Variants in CELSR1 observed in about 807,000 individuals in gnomAD.
The protein encoded by CELSR1 is cadherin EGF LAG seven-pass G-type receptor 1, also known as adhesion G protein-coupled receptor C1.
CELSR1 carries 110 observed loss-of-function variants against 249.1 expected under a neutral mutation model. The ratio of observed to expected loss-of-function variants is 0.44; its 90% CI spans 0.38 to 0.52. The LOEUF (loss-of-function observed/expected upper bound fraction) is 0.52. Ranked by LOEUF, CELSR1 falls within the 20% of genes least tolerant of loss-of-function variation. CELSR1 has a pLI of 0.00. For missense variants in CELSR1, 4,109 were observed against 4,296.4 expected, an observed-to-expected ratio of 0.96 and a Z score of 1.22; for synonymous variants, 2,113 against 1,900.0, an observed-to-expected ratio of 1.11 and a Z score of -2.92.
chr22:46,377,800 C>G (rs1445365837), intron 23 of CELSR1, among the ~76,000 whole-genome samples: 1 of 152,260 alleles, frequency 6.6e-6, no homozygotes, highest in East Asian at 1.9e-4. Flanking sequence ...TGCCCTCCTC[C>G]AGCCCCGCCT....
At chr22:46,451,933 G>C (rs573007686) in intron 2 of CELSR1, among the ~76,000 whole-genome samples, 71 of 152,302 alleles carry the variant, frequency 4.7e-4, no homozygotes, top group African/African-American at 1.7e-3. Flanking sequence ...GAGAAGCAAG[G>C]GGAAGGGCTG....
Position 46,369,694 on chromosome 22 carries a change from T to C in CELSR1, c.7870A>G (p.Ile2624Val). 6.2e-7 allele frequency: 1 copy of C among 1,613,134 alleles called. No individual in the cohort carries two copies. The highest frequency in any genetic ancestry group is 1.3e-5 in the African/African-American group (1 of 75,034). Residue 2624 changes from isoleucine (I) to valine (V), a missense_variant and splice_region_variant, in exon 26 of 35, where the codon ATC becomes GTC. This residue lies in a region of CELSR1 where 1,805 missense variants were observed against 1,831.6 expected (regional missense o/e 0.99). Transcript: ENST00000674500. ...SFAGPIGAVI[I>V]INTVTSVLSA... ...TCCCGTGAAGGCCCCACACTCACGA[T>C]TATAACAGCTCCGATGGGCCCCGCA...
intron 1 of CELSR1, among the ~76,000 whole-genome samples, chr22:46,531,127 G>T (rs1375622266): frequency 6.6e-6 from 1 of 152,150 alleles, no homozygotes; most frequent in African/African-American, 2.4e-5. Flanking sequence ...AGTCAATAGT[G>T]ATTTACTTAT....
At position 46,398,102 on chromosome 22, in the gene CELSR1, G is replaced by A. The variant is rs1187180412; in HGVS notation, c.5527-254C>T. Among the ~76,000 whole-genome samples the A allele has an allele frequency of 6.6e-6, 1 of 152,090 alleles. No individual in the cohort carries two copies. Among genetic ancestry groups the A allele is most frequent in the Non-Finnish European group, 1.5e-5 (1 of 67,996 alleles). On this transcript the variant is annotated intron_variant, in intron 11 of 34. Transcript: ENST00000674500. The surrounding 1 kb of genome is among the most constrained non-coding windows in gnomAD (Gnocchi z 7.2). ...GGTGCGCGGTGGGGGCGTGAGGAGT[G>A]GATGTCCCTGCCGAGGGGGCTGAGA...
At chr22:46,459,247 C>A (rs1182804083) in intron 2 of CELSR1, among the ~76,000 whole-genome samples, 2 of 152,024 alleles carry the variant, frequency 1.3e-5, no homozygotes, top group East Asian at 3.9e-4. Context: ...GAGCAGACAC[C>A]AAGAGCAGCA....
rs912286327 is a variant in CELSR1 at position 46,410,112 on chromosome 22, C to T, written c.4934-232G>A. Among the ~76,000 whole-genome samples, 2 of 152,228 alleles carry T rather than the reference C, an allele frequency of 1.3e-5. No homozygotes were observed. The highest frequency in any genetic ancestry group is 4.8e-5 in the African/African-American group (2 of 41,460). On this transcript the variant is annotated intron_variant, in intron 7 of 34. Transcript: ENST00000674500. The surrounding 1 kb of genome is among the most constrained non-coding windows in gnomAD (Gnocchi z 6.8). ...AGGCCATCACGGCAGCCGGCCCGGT[C>T]ACCTGGTGACACATATGCAAGACCC...
chr22:46,462,960 C>T (rs1216742629), intron 2 of CELSR1: 2 of 463,704 alleles, frequency 4.3e-6, no homozygotes, highest in South Asian at 3.2e-5. Context: ...ATTTCAAGAC[C>T]CAAATGATTA....
chr22:46,507,004 G>T (rs1197164555), intron 1 of CELSR1, among the ~76,000 whole-genome samples: 1 of 152,102 alleles, frequency 6.6e-6, no homozygotes, highest in Non-Finnish European at 1.5e-5. Flanking sequence ...TGGCCAACAC[G>T]GTGAAACCCC....
At chr22:46,439,618 C>G in intron 2 of CELSR1, among the ~76,000 whole-genome samples, 1 of 152,020 alleles carries the variant, frequency 6.6e-6, no homozygotes. Flanking sequence ...GTCGGCTGCA[C>G]CCAGCTCCTG....
At position 46,386,572 on chromosome 22, in the gene CELSR1, G is replaced by T; in HGVS notation, c.6569C>A (p.Ser2190Ter). The part of the protein sequence containing the change: ...DADFHEDVIH[S>*]GSALLAPATR... ...GGCTGGGGCCAGGAGGGCGCTGCCC[G>T]AGTGGATGACGTCCTGGTCAGACAG... Residue 2190 changes from serine (S) to a stop codon, truncating the protein, a stop_gained, in exon 19 of 35, where the codon TCG becomes TAG. Coordinates refer to ENST00000674500, the MANE Select transcript of CELSR1 (RefSeq NM_001378328.1). LOFTEE classifies it high-confidence loss of function. The T allele has an allele frequency of 2.5e-6, 4 of 1,594,520 alleles. No individual in the cohort carries two copies. Among genetic ancestry groups the T allele is most frequent in the Non-Finnish European group, 3.4e-6 (4 of 1,174,818 alleles).
intron 5 of CELSR1, among the ~76,000 whole-genome samples, chr22:46,414,637 G>A (rs970332868): frequency 4.1e-5 from 6 of 147,842 alleles, no homozygotes; most frequent in East Asian, 1.9e-4. Context: ...CAGGCTAACC[G>A]TCCACTCTGC....
intron 2 of CELSR1, among the ~76,000 whole-genome samples, chr22:46,453,609 TTG>T (rs1182922782): frequency 3.3e-5 from 5 of 152,106 alleles, no homozygotes; most frequent in Non-Finnish European, 5.9e-5. Context: ...AGAGGCGGCT[TTG>T]TCTGTCCACA....
At chr22:46,533,508 G>A in intron 1 of CELSR1, 119 bp downstream of exon 1, 1 of 1,401,402 alleles carries the variant, frequency 7.1e-7, no homozygotes, top group South Asian at 1.4e-5. Flanking sequence ...AATCCTTGCA[G>A]AGTTGCCCGG....
Position 46,464,310 on chromosome 22 carries a change from G to A in CELSR1, c.3580C>T (p.Arg1194Cys), listed in dbSNP as rs377638692. The change falls in exon 2 of 35, where the codon CGT becomes TGT. Residue 1194 changes from arginine to cysteine, a missense_variant. By Grantham distance (180) the Arg-to-Cys change is radical. Transcript: ENST00000674500. The surrounding 1 kb of genome is among the most constrained non-coding windows in gnomAD (Gnocchi z 8.5). ...ATGTCGTCCGTGATGATGGTGACAC[G>A]CAGGGTGCAGAAGGCCGTGACGCTG... ...IHSVTAFCTL[R>C]VTIITDDMLT... is the part of the protein sequence containing the mutation. 19 of 1,613,044 alleles carry A rather than the reference G, an allele frequency of 1.2e-5. No homozygotes were observed. Among genetic ancestry groups the A allele is most frequent in the African/African-American group, 8.0e-5 (6 of 74,910 alleles).
In CELSR1 at chr22:46,395,824, T is replaced by G. The variant is rs1314943552; in HGVS notation, c.5843+781A>C. ...AGCTCCACCTTGGACAAAGTGACGCTTGTGATGACTACGCACCTGTACCCA... is the reference window on the plus strand; with the variant it reads ...AGCTCCACCTTGGACAAAGTGACGCGTGTGATGACTACGCACCTGTACCCA... On this transcript the variant is annotated intron_variant, in intron 13 of 34. Coordinates refer to ENST00000674500, the MANE Select transcript of CELSR1 (RefSeq NM_001378328.1). The surrounding 1 kb of genome is among the most constrained non-coding windows in gnomAD (Gnocchi z 5.5). 1.3e-5 allele frequency among the ~76,000 whole-genome samples: 2 copies of G among 152,176 alleles called. No homozygotes were observed. Among genetic ancestry groups the G allele is most frequent in the African/African-American group, 4.8e-5 (2 of 41,440 alleles).
In CELSR1 at chr22:46,536,559, G is replaced by A; in HGVS notation, c.612C>T (p.Thr204=). The change falls in exon 1 of 35, where the codon ACC becomes ACT. Residue 204 remains threonine, a synonymous_variant. Coordinates refer to ENST00000674500, the MANE Select transcript of CELSR1 (RefSeq NM_001378328.1). ...ATGGCGACGCGGAGGGCGTCCCCGCGGTGGCGGCCTCCAGCGCCAGTCCCA... is the reference window on the plus strand; with the variant it reads ...ATGGCGACGCGGAGGGCGTCCCCGCAGTGGCGGCCTCCAGCGCCAGTCCCA... The part of the protein sequence containing the change: ...VRVGLALEAA[T]AGTPSASPSP... 7.5e-7 allele frequency: 1 copy of A among 1,324,936 alleles called. No individual in the cohort carries two copies. Among genetic ancestry groups the A allele is most frequent in the Non-Finnish European group, 9.6e-7 (1 of 1,044,096 alleles). 82.1% of individuals were successfully genotyped at this position (1,324,936 alleles called of 1,614,324 possible). A position where few individuals can be genotyped will look rare whatever the true frequency, so the allele number is the denominator to read the frequency against.
At chr22:46,400,989 G>A (rs2147291550) in intron 9 of CELSR1, among the ~76,000 whole-genome samples, 1 of 151,868 alleles carries the variant, frequency 6.6e-6, no homozygotes, top group South Asian at 2.1e-4. Flanking sequence ...GTTCTTTGTT[G>A]CTGTTGCCTT....
rs772753968 is a variant in CELSR1, at chr22:46,391,438, G to A, written c.6149-151C>T. ...ATCTCCCCTGCCCCCATCCATGTCA[G>A]AGCTGGAGAGGGGTGACCAGGCTCT... On this transcript the variant is annotated intron_variant, in intron 15 of 34. Coordinates refer to ENST00000674500, the MANE Select transcript of CELSR1 (RefSeq NM_001378328.1). The surrounding 1 kb of genome is among the most constrained non-coding windows in gnomAD (Gnocchi z 4.3). 4 of 912,328 alleles carry A rather than the reference G, an allele frequency of 4.4e-6. No homozygotes were observed. The highest frequency in any genetic ancestry group is 6.5e-6 in the Non-Finnish European group (4 of 617,264). 56.5% of individuals were successfully genotyped at this position (912,328 alleles called of 1,614,324 possible).
intron 13 of CELSR1, among the ~76,000 whole-genome samples, chr22:46,394,738 C>T (rs1042327802): frequency 2.6e-5 from 4 of 152,226 alleles, no homozygotes; most frequent in Non-Finnish European, 5.9e-5. Flanking sequence ...CACAGATGCT[C>T]AGGGCAGCCA....
Sources: allele counts gnomAD v4.1 joint callset (sites outside exome capture counted in the v4.1 genomes callset), GRCh38; gene constraint gnomAD v4.1.1; regional missense constraint gnomAD v4.1.1; non-coding constraint Gnocchi (gnomAD v3.1); transcripts MANE v1.5; gene names NCBI Gene and HGNC (gene_info 2026-07-23, HGNC 2026-07-21).